VIT: variants seen among roughly 807,000 people sequenced by gnomAD.
The protein encoded by VIT is vitrin.
VIT carries 99 observed loss-of-function variants against 78.0 expected under a neutral mutation model. That is an observed-to-expected ratio of 1.27 (90% CI 1.08 to 1.50). The LOEUF is 1.50. VIT is among the 40% of genes most tolerant of loss of function. The probability of loss-of-function intolerance (pLI) is 0.00; values close to 1 mark genes in which losing one functional copy is unlikely to be tolerated. For synonymous variants in VIT, 374 were observed against 334.3 expected (o/e 1.12, Z -1.29); for missense variants, 1,126 against 875.3 (o/e 1.29, Z -3.61).
intron 11 of VIT, 141 bp from the exon 12 acceptor site, chr2:36,786,981 TAAATAAA>T: frequency 1.0e-6 from 1 of 974,936 alleles, no homozygotes; most frequent in Non-Finnish European, 1.5e-6. Context: ...CTGTGGGATG[TAAATAAA>T]TATACCCTGC....
chr2:36,798,759 GA>G (rs1280783566), intron 12 of VIT, among the ~76,000 whole-genome samples: 4 of 151,644 alleles, frequency 2.6e-5, no homozygotes, highest in Admixed American at 2.6e-4. Context: ...ACTCCATCTC[GA>G]AAAAAATAAA....
chr2:36,740,013 T>C (rs1388589241), intron 3 of VIT, among the ~76,000 whole-genome samples: 1 of 152,260 alleles, frequency 6.6e-6, no homozygotes, highest in African/African-American at 2.4e-5. Context: ...CATTCCCCTC[T>C]GACTGTTCTG....
At chr2:36,731,637 A>G (rs13423449) in intron 3 of VIT, among the ~76,000 whole-genome samples, 26,970 of 152,132 alleles carry the variant, frequency 0.18, 2,533 homozygotes, top group East Asian at 0.32. Flanking sequence ...TATGAAAAAA[A>G]AGAAGAATTG....
intron 1 of VIT, among the ~76,000 whole-genome samples, chr2:36,712,952 C>T (rs1325277303): frequency 6.6e-6 from 1 of 152,220 alleles, no homozygotes; most frequent in East Asian, 1.9e-4. Flanking sequence ...GCGCTCATTA[C>T]TCACACATTG....
rs62132499 is a variant in VIT, at chr2:36,809,132, G to A, written c.1903+147G>A. The A allele has an allele frequency of 0.033, 37,587 of 1,153,328 alleles. 783 individuals carry two copies. The highest frequency in any genetic ancestry group is 0.075 in the African/African-American group (4,829 of 64,026). The allele number at this position is 1,153,328 out of a possible 1,614,324, so 71.4% of individuals were successfully genotyped here. ...TTCAAAGCCGCAGGGAGGGCATTAG[G>A]GGTAGAAACACTGCAAGCCCCTCTG... On this transcript the variant is annotated intron_variant, in intron 15 of 15. Transcript: ENST00000379242.
At chr2:36,766,077 C>T (rs563915722) in intron 6 of VIT, among the ~76,000 whole-genome samples, 1 of 152,360 alleles carries the variant, frequency 6.6e-6, no homozygotes, top group Non-Finnish European at 1.5e-5. Flanking sequence ...AACCCCAATG[C>T]CCAGTGGGTA....
intron 9 of VIT, among the ~76,000 whole-genome samples, chr2:36,776,612 C>A (rs1183485259): frequency 1.3e-5 from 2 of 151,142 alleles, no homozygotes; most frequent in Non-Finnish European, 2.9e-5. Context: ...ACGAGTTTGG[C>A]CCACATAGTG....
At chr2:36,743,793 C>G (rs540024206) in intron 4 of VIT, among the ~76,000 whole-genome samples, 1 of 152,216 alleles carries the variant, frequency 6.6e-6, no homozygotes, top group African/African-American at 2.4e-5. Context: ...TGAGACATTG[C>G]TCTTTTTTAA....
chr2:36,808,872 T>C lies in VIT; in HGVS notation c.1790T>C (p.Leu597Pro). ...TSTGAAINFA[L>P]EQLFKKSKPN... Reference sequence around the variant, plus strand: ...ACGGGGGCTGCCATCAACTTCGCCCTGGAGCAGCTCTTCAAGAAGTCCAAG... The same window carrying C: ...ACGGGGGCTGCCATCAACTTCGCCCCGGAGCAGCTCTTCAAGAAGTCCAAG... The change falls in exon 15 of 16, where the codon CTG (leucine) becomes CCG (proline). Residue 597 changes from leucine (L) to proline (P), a missense_variant. By Grantham distance (98) the Leu-to-Pro change is moderately conservative (BLOSUM62 -3). Transcript: ENST00000379242. 1 of 1,614,170 alleles carries C rather than the reference T, an allele frequency of 6.2e-7. No individual in the cohort carries two copies.
At chr2:36,772,572 T>G (rs1669827757) in intron 7 of VIT, among the ~76,000 whole-genome samples, 1 of 151,640 alleles carries the variant, frequency 6.6e-6, no homozygotes, top group Admixed American at 6.6e-5. Flanking sequence ...CAGAGCATGG[T>G]GATGTGCACT....
At chr2:36,774,052 T>G (rs1323742765) in intron 8 of VIT, among the ~76,000 whole-genome samples, 1 of 152,204 alleles carries the variant, frequency 6.6e-6, no homozygotes, top group African/African-American at 2.4e-5. Context: ...TCCCACTCTC[T>G]GTTCCCCTGA....
At chr2:36,801,175 A>T in intron 12 of VIT, 126 bp from the exon 13 acceptor site, 1 of 853,666 alleles carries the variant, frequency 1.2e-6, no homozygotes. Flanking sequence ...GGGACATTTT[A>T]CAAGGCATAG....
At chr2:36,802,658 C>T (rs867681984) in intron 13 of VIT, among the ~76,000 whole-genome samples, 1 of 152,204 alleles carries the variant, frequency 6.6e-6, no homozygotes, top group Non-Finnish European at 1.5e-5. Flanking sequence ...TTAATGCTTA[C>T]ATTAGTAAAA....
chr2:36,790,123 T>C (rs1239410677), intron 12 of VIT, among the ~76,000 whole-genome samples: 3 of 152,176 alleles, frequency 2.0e-5, no homozygotes, highest in South Asian at 2.1e-4. Flanking sequence ...ATAAGACCTA[T>C]AAAAATGGTC....
intron 4 of VIT, among the ~76,000 whole-genome samples, chr2:36,752,680 C>T (rs1429100420): frequency 6.6e-6 from 1 of 152,220 alleles, no homozygotes; most frequent in African/African-American, 2.4e-5. Context: ...CCAGTGTCTC[C>T]TACATTGGTC....
chr2:36,753,245 A>G (rs532973233), intron 4 of VIT, among the ~76,000 whole-genome samples: 9 of 152,144 alleles, frequency 5.9e-5, no homozygotes, highest in Non-Finnish European at 1.3e-4. Flanking sequence ...CAGGAAGAAT[A>G]ACTAATGGAT....
chr2:36,800,355 G>A (rs959685877), intron 12 of VIT, among the ~76,000 whole-genome samples: 1 of 152,064 alleles, frequency 6.6e-6, no homozygotes, highest in South Asian at 2.1e-4. Context: ...AAAAAAGAAA[G>A]AAAGAAAAAA....
intron 7 of VIT, among the ~76,000 whole-genome samples, chr2:36,772,393 G>A (rs12616072): frequency 0.064 from 9,774 of 151,976 alleles, 831 homozygotes; most frequent in East Asian, 0.2. Context: ...AAAATTAGCC[G>A]GGCATGGTGG....
At chr2:36,810,492 G>C (rs1667076425) in intron 15 of VIT, among the ~76,000 whole-genome samples, 1 of 152,148 alleles carries the variant, frequency 6.6e-6, no homozygotes, top group Non-Finnish European at 1.5e-5. Context: ...ACAGCCTGGA[G>C]AAAACCCCAA....
Sources: allele counts gnomAD v4.1 joint callset (sites outside exome capture counted in the v4.1 genomes callset), GRCh38; gene constraint gnomAD v4.1.1; transcripts MANE v1.5; gene names NCBI Gene and HGNC (gene_info 2026-07-23, HGNC 2026-07-21).